MAP4: variants seen among roughly 807,000 people sequenced by gnomAD.
The protein encoded by MAP4 is microtubule-associated protein 4.
A neutral mutation model predicts 170.2 loss-of-function variants in MAP4; 76 were observed. That is an observed-to-expected ratio of 0.45 (90% confidence interval 0.37 to 0.54). The LOEUF (loss-of-function observed/expected upper bound fraction) is 0.54, where lower values mean the gene tolerates loss of function less well. Ranked by LOEUF, MAP4 falls within the 20% of genes least tolerant of loss-of-function variation. The pLI, the probability that MAP4 is intolerant of heterozygous loss-of-function variation, is 0.00. For synonymous variants in MAP4, 909 were observed against 994.5 expected, an observed-to-expected ratio of 0.91 and a Z score of 1.62; for missense variants, 2,506 against 2,748.0, an observed-to-expected ratio of 0.91 and a Z score of 1.97.
chr3:47,965,742 A>AT (rs572502741), intron 3 of MAP4, among the ~76,000 whole-genome samples: 14 of 151,026 alleles, frequency 9.3e-5, no homozygotes, highest in East Asian at 1.9e-4. Flanking sequence ...CATATTTTTA[A>AT]TTTTTTTTTG....
chr3:47,865,738 G>A (rs1194821799), intron 17 of MAP4, among the ~76,000 whole-genome samples: 2 of 152,198 alleles, frequency 1.3e-5, no homozygotes, highest in African/African-American at 4.8e-5. Context: ...AGGCAAGACA[G>A]GCTGTCTCAC....
chr3:47,872,104 G>C lies in MAP4; in HGVS notation c.5758-4C>G. Reference sequence around the variant, plus strand: ...GAGCCTTTGCATCTGCAATGGGCTGGAAATAGGAAAGTGGGAATGAGGCCT... The same window carrying C: ...GAGCCTTTGCATCTGCAATGGGCTGCAAATAGGAAAGTGGGAATGAGGCCT... On this transcript the variant is annotated splice_polypyrimidine_tract_variant and splice_region_variant and intron_variant, in intron 12 of 20. Coordinates refer to ENST00000683076, the MANE Select transcript of MAP4 (RefSeq NM_001385682.1). The C allele has an allele frequency of 1.2e-6, 2 of 1,603,334 alleles. No individual in the cohort carries two copies. Among genetic ancestry groups the C allele is most frequent in the African/African-American group, 2.7e-5 (2 of 74,886 alleles).
intron 18 of MAP4, among the ~76,000 whole-genome samples, chr3:47,856,638 G>C (rs2057033341): frequency 6.6e-6 from 1 of 152,164 alleles, no homozygotes; most frequent in Non-Finnish European, 1.5e-5. Flanking sequence ...TGTTGGCCAG[G>C]CTGTTCTCAA....
At position 47,912,266 on chromosome 3, in the gene MAP4, A is replaced by T. The variant is rs1487533321; in HGVS notation, c.2155T>A (p.Cys719Ser). ...ACCCAACCTGACTCAGACAAAGAGCAGTGGCCCAGCCTGTGATCAAGAGTC... is the reference window on the plus strand; with the variant it reads ...ACCCAACCTGACTCAGACAAAGAGCTGTGGCCCAGCCTGTGATCAAGAGTC... ...WKTLDHRLGH[C>S]SLSESGWVSG... Residue 719 changes from cysteine (C) to serine (S), a missense_variant, in exon 9 of 21, where the codon TGC becomes AGC. Around this residue, in one of 3 missense-constraint regions of MAP4, gnomAD observed 2,008 missense variants for 2,206.0 expected, o/e 0.91. Transcript: ENST00000683076. The T allele has an allele frequency of 2.0e-6, 3 of 1,536,144 alleles. No individual in the cohort carries two copies. The South Asian group carries it at 3.6e-5, about 18-fold the overall frequency.
At chr3:47,979,130 C>A (rs997043219) in intron 2 of MAP4, among the ~76,000 whole-genome samples, 1 of 151,744 alleles carries the variant, frequency 6.6e-6, no homozygotes, top group African/African-American at 2.4e-5. Context: ...CATATTGAGG[C>A]CTACGGTACA....
chr3:48,087,069 A>C (rs954312310), intron 1 of MAP4, among the ~76,000 whole-genome samples: 3 of 152,238 alleles, frequency 2.0e-5, no homozygotes, highest in African/African-American at 7.2e-5. Flanking sequence ...GGAGATGGCA[A>C]GTGCTCAAAA....
chr3:48,032,627 T>C (rs2100116772), intron 1 of MAP4, among the ~76,000 whole-genome samples: 1 of 152,140 alleles, frequency 6.6e-6, no homozygotes, highest in Non-Finnish European at 1.5e-5. Context: ...ATTGTGGCAC[T>C]GCACTCCAGC....
intron 1 of MAP4, among the ~76,000 whole-genome samples, chr3:48,085,636 G>GT (rs1261791323): frequency 3.3e-5 from 5 of 152,172 alleles, no homozygotes; most frequent in Non-Finnish European, 5.9e-5. Flanking sequence ...TAAAATACCC[G>GT]TAAGGCCAGG....
rs1369252692 is a variant in MAP4, at chr3:48,055,786, T to A, written c.-20+32987A>T. Among the ~76,000 whole-genome samples the A allele has an allele frequency of 1.2e-3, 163 of 132,348 alleles. No individual in the cohort carries two copies. The Middle Eastern group carries it at 0.014, about 12-fold the overall frequency. 86.8% of individuals were successfully genotyped at this position (132,348 alleles called of 152,430 possible). On this transcript the variant is annotated intron_variant, in intron 1 of 18. Coordinates refer to the MAP4 transcript ENST00000360240. ...GCGCCTCTTCCCAGCCGCCATCACA[T>A]CTAGGAAGTGAGGAGCGTCTCTGCC...
At chr3:48,008,777 A>G (rs2100103758) in intron 1 of MAP4, among the ~76,000 whole-genome samples, 1 of 152,216 alleles carries the variant, frequency 6.6e-6, no homozygotes, top group Admixed American at 6.5e-5. Flanking sequence ...CAAAGTGGCC[A>G]TGGTGGCAGG....
intron 1 of MAP4, among the ~76,000 whole-genome samples, chr3:48,060,500 A>C (rs926818281): frequency 2.0e-5 from 3 of 152,194 alleles, no homozygotes; most frequent in African/African-American, 7.2e-5. Flanking sequence ...AAAACTGATA[A>C]GCTGGACTTT....
chr3:48,078,098 T>C (rs1440126827), intron 1 of MAP4, among the ~76,000 whole-genome samples: 4 of 152,132 alleles, frequency 2.6e-5, no homozygotes, highest in African/African-American at 9.7e-5. Flanking sequence ...TAGATAATGG[T>C]GGTAGTTGCA....
At chr3:47,929,025 G>C (rs1023110518) in intron 3 of MAP4, among the ~76,000 whole-genome samples, 1 of 152,100 alleles carries the variant, frequency 6.6e-6, no homozygotes, top group African/African-American at 2.4e-5. Context: ...CAGTTGAAGG[G>C]CTTACATAAC....
chr3:47,993,323 A>C (rs921539193), intron 2 of MAP4, among the ~76,000 whole-genome samples: 2 of 152,154 alleles, frequency 1.3e-5, no homozygotes, highest in South Asian at 4.1e-4. Flanking sequence ...CAATGTAGTA[A>C]GACTCTGTCT....
chr3:48,037,852 C>T (rs141509701), intron 1 of MAP4, among the ~76,000 whole-genome samples: 2 of 152,234 alleles, frequency 1.3e-5, no homozygotes, highest in African/African-American at 4.8e-5. Context: ...CTATTACCCT[C>T]TATAAACTGT....
chr3:47,915,224 C>G (rs552517177), intron 7 of MAP4, among the ~76,000 whole-genome samples: 1 of 151,506 alleles, frequency 6.6e-6, no homozygotes, highest in East Asian at 1.9e-4. Flanking sequence ...TCAAGTGATT[C>G]TCCTGCCTCA....
intron 2 of MAP4, among the ~76,000 whole-genome samples, chr3:47,989,073 G>A (rs1403386881): frequency 1.3e-5 from 2 of 152,142 alleles, no homozygotes; most frequent in Non-Finnish European, 2.9e-5. Context: ...GCCTCTCAAA[G>A]TGCTGGGGAT....
intron 3 of MAP4, among the ~76,000 whole-genome samples, chr3:47,958,047 C>T (rs1345086928): frequency 6.6e-6 from 1 of 152,152 alleles, no homozygotes; most frequent in East Asian, 1.9e-4. Context: ...GATGAGACTG[C>T]CACTTGGCTA....
intron 1 of MAP4, among the ~76,000 whole-genome samples, chr3:48,069,109 G>A (rs2100139786): frequency 6.6e-6 from 1 of 152,170 alleles, no homozygotes; most frequent in Admixed American, 6.5e-5. Context: ...GACCTTAGGA[G>A]AAGGCAGAAT....
Sources: gnomAD v4.1 joint callset for allele counts (sites outside exome capture counted in the v4.1 genomes callset) on GRCh38, gnomAD v4.1.1 for gene constraint, gnomAD v4.1.1 regional missense constraint, MANE v1.5 for transcripts, NCBI Gene and HGNC (gene_info 2026-07-23, HGNC 2026-07-21) for gene names.